GRK3: variants seen among roughly 807,000 people sequenced by gnomAD.
GRK3 encodes the protein adrenergic, beta, receptor kinase 2.
In GRK3, 54 loss-of-function variants were observed where a neutral mutation model predicts 95.7. The ratio of observed to expected loss-of-function variants is 0.56; its 90% CI spans 0.45 to 0.71. The LOEUF (loss-of-function observed/expected upper bound fraction) is 0.71, where lower values mean the gene tolerates loss of function less well. GRK3 is among the 30% of genes least tolerant of loss of function. GRK3 has a pLI of 0.00. For synonymous variants in GRK3, 281 were observed against 290.8 expected (o/e 0.97, Z 0.34); for missense variants, 649 against 851.2 (o/e 0.76, Z 2.96).
At chr22:25,568,976 G>A (rs1931590547) in intron 1 of GRK3, among the ~76,000 whole-genome samples, 2 of 152,152 alleles carry the variant, frequency 1.3e-5, no homozygotes, top group Admixed American at 1.3e-4. Flanking sequence ...ACATGTAATT[G>A]ATCTTTAAAA....
intron 13 of GRK3, among the ~76,000 whole-genome samples, chr22:25,701,009 T>C (rs551806155): frequency 6.6e-6 from 1 of 152,252 alleles, no homozygotes; most frequent in Non-Finnish European, 1.5e-5. Flanking sequence ...TTTCCCATCA[T>C]TTATAATGTC....
chr22:25,641,756 T>TAATTC (rs902894259), intron 2 of GRK3, among the ~76,000 whole-genome samples: 5 of 152,128 alleles, frequency 3.3e-5, no homozygotes, highest in Non-Finnish European at 7.4e-5. Flanking sequence ...GAGAAGGGAA[T>TAATTC]GAGCTTGGTG....
At chr22:25,585,635 T>C (rs1215303830) in intron 1 of GRK3, among the ~76,000 whole-genome samples, 1 of 152,290 alleles carries the variant, frequency 6.6e-6, no homozygotes, top group Non-Finnish European at 1.5e-5. Flanking sequence ...CATAAAGTTG[T>C]TGCTCTTTGT....
At chr22:25,658,622 C>G (rs1005727345) in intron 3 of GRK3, among the ~76,000 whole-genome samples, 8 of 152,132 alleles carry the variant, frequency 5.3e-5, no homozygotes, top group African/African-American at 1.9e-4. Context: ...TCTATGTGTC[C>G]AGAATTTTAG....
intron 2 of GRK3, among the ~76,000 whole-genome samples, chr22:25,614,129 GTTAT>G (rs1569164467): frequency 1.3e-5 from 2 of 151,880 alleles, no homozygotes; most frequent in Non-Finnish European, 2.9e-5. Context: ...TTTTTTTAAT[GTTAT>G]TTATTTATTT....
At chr22:25,591,256 A>G (rs1020959620) in intron 1 of GRK3, among the ~76,000 whole-genome samples, 41 of 152,332 alleles carry the variant, frequency 2.7e-4, no homozygotes, top group African/African-American at 8.2e-4. Context: ...GCAAAATGGA[A>G]GAGGTACATG....
chr22:25,656,777 C>T (rs1362238559), intron 3 of GRK3, among the ~76,000 whole-genome samples: 1 of 152,140 alleles, frequency 6.6e-6, no homozygotes, highest in Non-Finnish European at 1.5e-5. Flanking sequence ...GAAGTAAAAA[C>T]TGCTATGTAA....
intron 1 of GRK3, among the ~76,000 whole-genome samples, chr22:25,590,617 C>T (rs989260694): frequency 5.9e-5 from 9 of 151,956 alleles, no homozygotes; most frequent in East Asian, 1.9e-4. Context: ...GTCAAGAGAT[C>T]GAGACTCTCC....
At chr22:25,635,551 C>A (rs570490990) in intron 2 of GRK3, among the ~76,000 whole-genome samples, 15 of 152,244 alleles carry the variant, frequency 9.9e-5, no homozygotes, top group African/African-American at 1.7e-4. Flanking sequence ...TACCTTTAGT[C>A]TCCTTTAATC....
intron 2 of GRK3, among the ~76,000 whole-genome samples, chr22:25,635,046 C>G (rs1250223123): frequency 6.6e-6 from 1 of 152,170 alleles, no homozygotes; most frequent in Non-Finnish European, 1.5e-5. Flanking sequence ...GGCCCGCGGG[C>G]TGCATGCAGA....
chr22:25,626,228 C>T (rs931988943), intron 2 of GRK3, among the ~76,000 whole-genome samples: 6 of 152,100 alleles, frequency 3.9e-5, no homozygotes, highest in African/African-American at 9.7e-5. Context: ...CGCGCCAGGC[C>T]GATGATGATT....
At chr22:25,584,312 G>T (rs1364424164) in intron 1 of GRK3, among the ~76,000 whole-genome samples, 2 of 152,248 alleles carry the variant, frequency 1.3e-5, no homozygotes, top group Non-Finnish European at 2.9e-5. Flanking sequence ...ATTTTGACTA[G>T]AAAGATGAAA....
At chr22:25,644,478 A>T (rs1441340444) in intron 2 of GRK3, 114 bp from the exon 3 acceptor site, 2 of 458,110 alleles carry the variant, frequency 4.4e-6, no homozygotes, top group African/African-American at 4.0e-5. Context: ...TTTTTTAAAA[A>T]AAAAAGTAGA....
intron 15 of GRK3, among the ~76,000 whole-genome samples, chr22:25,705,938 G>A (rs947702898): frequency 1.7e-4 from 26 of 152,182 alleles, no homozygotes; most frequent in African/African-American, 2.4e-5. Flanking sequence ...ACTCGCGATG[G>A]CAGACAGGTA....
rs145534957 is a variant in GRK3, at chr22:25,725,000, A to G, written c.*2550A>G. 1 of 152,312 alleles carries G rather than the reference A, an allele frequency of 6.6e-6. No homozygotes were observed. Among genetic ancestry groups the G allele is most frequent in the East Asian group, 1.9e-4 (1 of 5,194 alleles). The allele number at this position is 152,312 out of a possible 1,614,324, so 9.4% of individuals were successfully genotyped here. A position where few individuals can be genotyped will look rare whatever the true frequency, so the allele number is the denominator to read the frequency against. Reference sequence around the variant, plus strand: ...GTCAGCCTCCTGAGTAGCTAGGACTACAGGTGCATGCCACCTTTCCTGGCT... The same window carrying G: ...GTCAGCCTCCTGAGTAGCTAGGACTGCAGGTGCATGCCACCTTTCCTGGCT... On this transcript the variant is annotated 3_prime_UTR_variant, in exon 21 of 21. Coordinates refer to ENST00000324198, the MANE Select transcript of GRK3 (RefSeq NM_005160.4).
intron 12 of GRK3, among the ~76,000 whole-genome samples, chr22:25,693,089 G>A (rs559648279): frequency 1.3e-5 from 2 of 152,304 alleles, no homozygotes; most frequent in South Asian, 2.1e-4. Context: ...TGAAAAAATC[G>A]CAGGAAAACT....
At chr22:25,630,138 C>G (rs913287853) in intron 2 of GRK3, among the ~76,000 whole-genome samples, 2 of 152,088 alleles carry the variant, frequency 1.3e-5, no homozygotes, top group Non-Finnish European at 2.9e-5. Flanking sequence ...TATCACAAAG[C>G]AAACTCATGT....
At chr22:25,578,502 C>A (rs1931988736) in intron 1 of GRK3, among the ~76,000 whole-genome samples, 1 of 152,092 alleles carries the variant, frequency 6.6e-6, no homozygotes. Context: ...TGTTATATGA[C>A]AAGGGGGCGT....
At chr22:25,679,034 A>T (rs976816494) in intron 9 of GRK3, 119 bp downstream of exon 9, 15 of 595,290 alleles carry the variant, frequency 2.5e-5, no homozygotes, top group Non-Finnish European at 4.4e-5. Flanking sequence ...GTGGGTTAGA[A>T]TCTGATAGTA....
Sources: allele counts gnomAD v4.1 joint callset (sites outside exome capture counted in the v4.1 genomes callset), GRCh38; gene constraint gnomAD v4.1.1; transcripts MANE v1.5; gene names NCBI Gene and HGNC (gene_info 2026-07-23, HGNC 2026-07-21).